PCDHGA7: variants seen among roughly 807,000 people sequenced by gnomAD.
PCDHGA7 encodes protocadherin gamma-A7.
PCDHGA7 carries 44 observed loss-of-function variants against 58.3 expected under a neutral mutation model. The ratio of observed to expected loss-of-function variants is 0.75; its 90% CI spans 0.59 to 0.97. The LOEUF (loss-of-function observed/expected upper bound fraction) is 0.97. Among genes scored for constraint, PCDHGA7 ranks in the 50% least tolerant of loss-of-function variants. PCDHGA7 has a pLI of 0.00. For synonymous variants in PCDHGA7, 516 were observed against 504.2 expected (o/e 1.02, Z -0.31); for missense variants, 1,266 against 1,188.7 (o/e 1.06, Z -0.96).
chr5:141,458,513 GT>G (rs537551567), intron 1 of PCDHGA7, among the ~76,000 whole-genome samples: 34 of 146,056 alleles, frequency 2.3e-4, no homozygotes, highest in South Asian at 6.5e-4. Flanking sequence ...TTGACACTTT[GT>G]TTTTTTTTTT....
Position 141,431,135 on chromosome 5 carries a change from A to G in PCDHGA7, c.2424+45812A>G, listed in dbSNP as rs140069213. The G allele has an allele frequency of 1.5e-5, 24 of 1,614,266 alleles. No homozygotes were observed. In the African/African-American group the frequency reaches 3.1e-4, roughly 21 times the overall value. Reference sequence around the variant, plus strand: ...TGGAGTAGAAGTAGAAGTAAGGGACATTAACGACAATGCGCCTTACTTTCG... The same window carrying G: ...TGGAGTAGAAGTAGAAGTAAGGGACGTTAACGACAATGCGCCTTACTTTCG... On this transcript the variant is annotated intron_variant, in intron 1 of 3. Transcript: ENST00000518325. This position sits in a 1 kb window ranked among gnomAD's most constrained non-coding sequence, Gnocchi z 4.8.
At position 141,444,152 on chromosome 5, in the gene PCDHGA7, A is replaced by ATT. The variant is rs747671382; in HGVS notation, c.2425-50620_2425-50619dup. ...GATATGTGTCACTTGTGTGTACTGG[A>ATT]TTTTTTTTTTTTTTTTTTTTTTTTT... On this transcript the variant is annotated intron_variant, in intron 1 of 3. Coordinates refer to ENST00000518325, the MANE Select transcript of PCDHGA7 (RefSeq NM_018920.4). Among the ~76,000 whole-genome samples, 286 of 33,894 alleles carry ATT rather than the reference A, an allele frequency of 8.4e-3. 107 individuals carry two copies. The highest frequency in any genetic ancestry group is 0.011 in the African/African-American group (76 of 7,180). The allele number at this position is 33,894 out of a possible 152,430, so 22.2% of individuals were successfully genotyped here. A position where few individuals can be genotyped will look rare whatever the true frequency, so the allele number is the denominator to read the frequency against.
chr5:141,394,631 C>T (rs1402672360), intron 1 of PCDHGA7: 3 of 1,613,354 alleles, frequency 1.9e-6, no homozygotes, highest in Admixed American at 1.7e-5. Flanking sequence ...GGCTGTCCTA[C>T]CGCCTGCTCA....
intron 1 of PCDHGA7, chr5:141,429,167 T>TAC (rs1357037045): frequency 6.6e-5 from 9 of 136,102 alleles, no homozygotes; most frequent in African/African-American, 8.8e-5. Context: ...AGACATTGTT[T>TAC]ATACACACAC....
At position 141,486,891 on chromosome 5, in the gene PCDHGA7, G is replaced by A. The variant is rs201201426; in HGVS notation, c.2425-7916G>A. 38 of 1,614,118 alleles carry A rather than the reference G, an allele frequency of 2.4e-5. No individual in the cohort carries two copies. The highest frequency in any genetic ancestry group is 3.1e-5 in the Non-Finnish European group (37 of 1,180,064). Reference sequence around the variant, plus strand: ...GTGCTCCGTCCTCGGGCCCGGCCTGGTTCCTTATGTCCCCAAGCACTGCCT... The same window carrying A: ...GTGCTCCGTCCTCGGGCCCGGCCTGATTCCTTATGTCCCCAAGCACTGCCT... On this transcript the variant is annotated intron_variant, in intron 1 of 3. Coordinates refer to ENST00000518325, the MANE Select transcript of PCDHGA7 (RefSeq NM_018920.4). This position sits in a 1 kb window ranked among gnomAD's most constrained non-coding sequence, Gnocchi z 5.0.
intron 1 of PCDHGA7, chr5:141,405,407 CTT>C (rs762612492): frequency 6.3e-7 from 1 of 1,581,924 alleles, no homozygotes; most frequent in African/African-American, 1.4e-5. Flanking sequence ...TCTTTCTTTT[CTT>C]TTTTTGTTTT....
chr5:141,430,637 G>A (rs2097298854), intron 1 of PCDHGA7: 1 of 890,676 alleles, frequency 1.1e-6, no homozygotes, highest in Admixed American at 2.8e-5. Context: ...ACCATCCCTG[G>A]GAGTATGTGG....
intron 1 of PCDHGA7, chr5:141,413,949 T>C (rs1291474416): frequency 6.2e-7 from 1 of 1,613,218 alleles, no homozygotes; most frequent in African/African-American, 1.3e-5. Context: ...TTCCTGAGAA[T>C]TTGCCTGTGG....
At chr5:141,422,950 G>A (rs1388735971) in intron 1 of PCDHGA7, 2 of 1,614,230 alleles carry the variant, frequency 1.2e-6, no homozygotes, top group South Asian at 1.1e-5. Flanking sequence ...CGGCTCCACT[G>A]GCGTGGAGCT....
At chr5:141,417,753 C>T (rs889153718) in intron 1 of PCDHGA7, 3 of 1,431,672 alleles carry the variant, frequency 2.1e-6, no homozygotes, top group African/African-American at 2.9e-5. Flanking sequence ...ATTGCCAGCT[C>T]CGAGACCCGG....
intron 1 of PCDHGA7, chr5:141,478,866 C>G: frequency 7.7e-7 from 1 of 1,304,352 alleles, no homozygotes; most frequent in East Asian, 2.5e-5. Context: ...TCTCAGCGAT[C>G]AGAGTTTAGC....
rs373869441 is a variant in PCDHGA7, at chr5:141,383,971, G to A, written c.1072G>A (p.Glu358Lys). The A allele has an allele frequency of 2.5e-6, 4 of 1,613,544 alleles. No homozygotes were observed. Among genetic ancestry groups the A allele is most frequent in the African/African-American group, 1.3e-5 (1 of 74,906 alleles). Residue 358 changes from glutamate (E) to lysine (K), a missense_variant, in exon 1 of 4, where the codon GAA becomes AAA. Transcript: ENST00000518325. ...GACGTCTTTAAGTAGCTCAATCCCTGAAGACACACCTCTTGGGACAGTCAT... is the reference window on the plus strand; with the variant it reads ...GACGTCTTTAAGTAGCTCAATCCCTAAAGACACACCTCTTGGGACAGTCAT... The part of the protein sequence containing the change: ...TMTSLSSSIP[E>K]DTPLGTVIAL...
intron 1 of PCDHGA7, among the ~76,000 whole-genome samples, chr5:141,466,268 T>A (rs568525260): frequency 6.6e-6 from 1 of 152,150 alleles, no homozygotes; most frequent in Non-Finnish European, 1.5e-5. Context: ...CCTCGTGAGC[T>A]CAAGCAATCT....
chr5:141,393,073 C>T, intron 1 of PCDHGA7: 1 of 1,613,658 alleles, frequency 6.2e-7, no homozygotes. Context: ...TTGATCACCG[C>T]GGGCAGGATA....
Position 141,477,197 on chromosome 5 carries a change from G to C in PCDHGA7, c.2425-17610G>C, listed in dbSNP as rs781504885. 6.2e-7 allele frequency: 1 copy of C among 1,614,210 alleles called. No homozygotes were observed. Among genetic ancestry groups the C allele is most frequent in the South Asian group, 1.1e-5 (1 of 91,082 alleles). On this transcript the variant is annotated intron_variant, in intron 1 of 3. Transcript: ENST00000518325. The surrounding 1 kb of genome is among the most constrained non-coding windows in gnomAD (Gnocchi z 4.9). ...CACAGTCACCTCCGTGTACAGCCCA[G>C]TACCCGAGGATGCCCCTCTGGGGAC...
Position 141,491,401 on chromosome 5 carries a change from G to T in PCDHGA7, c.2425-3406G>T, listed in dbSNP as rs1442005704. ...GTCAGCGAAGTGCCTTCAGGGAAAC[G>T]CAGACGGGGACGGGGGTGGAGGGCA... On this transcript the variant is annotated intron_variant, in intron 1 of 3. Coordinates refer to ENST00000518325, the MANE Select transcript of PCDHGA7 (RefSeq NM_018920.4). The surrounding 1 kb of genome is among the most constrained non-coding windows in gnomAD (Gnocchi z 6.9). 1.2e-6 allele frequency: 2 copies of T among 1,614,102 alleles called. No homozygotes were observed. Among genetic ancestry groups the T allele is most frequent in the Non-Finnish European group, 1.7e-6 (2 of 1,179,990 alleles).
intron 1 of PCDHGA7, chr5:141,415,113 C>G: frequency 1.2e-6 from 2 of 1,613,642 alleles, no homozygotes; most frequent in Non-Finnish European, 1.7e-6. Context: ...AGCAAAGCCT[C>G]GTAGTGGCCG....
In PCDHGA7 at chr5:141,423,756, G is replaced by A. The variant is rs544048105; in HGVS notation, c.2424+38433G>A. 1.6e-5 allele frequency: 7 copies of A among 448,620 alleles called. 1 individual carries two copies. Among genetic ancestry groups the A allele is most frequent in the Non-Finnish European group, 2.1e-5 (7 of 329,706 alleles). 27.8% of individuals were successfully genotyped at this position (448,620 alleles called of 1,614,324 possible). A position where few individuals can be genotyped will look rare whatever the true frequency, so the allele number is the denominator to read the frequency against. ...GCCTGTTATGAAAACTGTTTGGGGG[G>A]GGGGTGGGGCGGCATATATTTAGTT... On this transcript the variant is annotated intron_variant, in intron 1 of 3. Coordinates refer to ENST00000518325, the MANE Select transcript of PCDHGA7 (RefSeq NM_018920.4).
At chr5:141,415,740 G>GTTTTTTTTTTTTTTTTTTGTTTTTTTTT in intron 1 of PCDHGA7, 1 of 617,992 alleles carries the variant, frequency 1.6e-6, no homozygotes, top group Non-Finnish European at 2.1e-6. Flanking sequence ...GTTTATTAAG[G>GTTTTTTTTTTTTTTTTTTGTTTTTTTTT]TTTTTTTTTT....
Sources: allele counts gnomAD v4.1 joint callset (sites outside exome capture counted in the v4.1 genomes callset), GRCh38; gene constraint gnomAD v4.1.1; non-coding constraint Gnocchi (gnomAD v3.1); transcripts MANE v1.5; gene names NCBI Gene and HGNC (gene_info 2026-07-23, HGNC 2026-07-21).